The following AKAP6 variants were observed in gnomAD, a reference collection of about 807,000 sequenced individuals.
The protein encoded by AKAP6 is A-kinase anchoring protein 6.
AKAP6 carries 58 observed loss-of-function variants against 188.5 expected under a neutral mutation model. The observed-to-expected ratio is 0.31, with a 90% CI of 0.25 to 0.38. The LOEUF (loss-of-function observed/expected upper bound fraction) is 0.38, where lower values mean the gene tolerates loss of function less well. AKAP6 is among the 10% of genes least tolerant of loss of function. The pLI, the probability that AKAP6 is intolerant of heterozygous loss-of-function variation, is 1.00. For synonymous variants in AKAP6, 989 were observed against 998.6 expected, an observed-to-expected ratio of 0.99 and a Z score of 0.18; for missense variants, 2,710 against 2,740.0, an observed-to-expected ratio of 0.99 and a Z score of 0.24.
chr14:32,678,216 A>T, intron 7 of AKAP6, 95 bp from the exon 8 acceptor site: 1 of 1,312,514 alleles, frequency 7.6e-7, no homozygotes, highest in Non-Finnish European at 1.0e-6. Flanking sequence ...CACTATAATG[A>T]TGTGAAGAAT....
At chr14:32,595,981 T>C (rs1464192886) in intron 5 of AKAP6, among the ~76,000 whole-genome samples, 1 of 152,084 alleles carries the variant, frequency 6.6e-6, no homozygotes, top group African/African-American at 2.4e-5. Flanking sequence ...TTATGTCTTA[T>C]AAAAAAACAA....
At chr14:32,595,316 C>A (rs1885648940) in intron 5 of AKAP6, among the ~76,000 whole-genome samples, 2 of 152,036 alleles carry the variant, frequency 1.3e-5, no homozygotes, top group Admixed American at 1.3e-4. Context: ...CCTGCTTGCA[C>A]CCTGCCCCAG....
chr14:32,789,587 G>A (rs2033544933), intron 12 of AKAP6, among the ~76,000 whole-genome samples: 2 of 152,148 alleles, frequency 1.3e-5, no homozygotes, highest in South Asian at 2.1e-4. Flanking sequence ...AGGAAAAAAC[G>A]AGCCAACTAG....
chr14:32,746,445 A>T (rs2031914130), intron 11 of AKAP6, among the ~76,000 whole-genome samples: 1 of 152,046 alleles, frequency 6.6e-6, no homozygotes, highest in African/African-American at 2.4e-5. Context: ...CTGGCCTAGG[A>T]TCATGTCTAG....
chr14:32,483,007 A>ATGTGTGTGTGTGTGTG lies in AKAP6; in HGVS notation c.324+49191_324+49192insGTGTGTGTGTGTGTGT, dbSNP rs796833606. Among the ~76,000 whole-genome samples the ATGTGTGTGTGTGTGTG allele has an allele frequency of 6.1e-4, 90 of 147,698 alleles. 2 individuals carry two copies. In the East Asian group the frequency reaches 0.01, roughly 17 times the overall value. ...TGTGTGTGTATATATATATATATAT[A>ATGTGTGTGTGTGTGTG]TATATGTATCTTGCATTGGTAATTT... On this transcript the variant is annotated intron_variant, in intron 2 of 13. Coordinates refer to ENST00000280979, the MANE Select transcript of AKAP6 (RefSeq NM_004274.5).
intron 4 of AKAP6, among the ~76,000 whole-genome samples, chr14:32,560,105 T>C (rs1883884702): frequency 6.6e-6 from 1 of 152,130 alleles, no homozygotes; most frequent in Non-Finnish European, 1.5e-5. Context: ...CTCCAAGGCA[T>C]ACATAAACTT....
At chr14:32,521,222 C>T (rs574367532) in intron 2 of AKAP6, among the ~76,000 whole-genome samples, 1 of 152,220 alleles carries the variant, frequency 6.6e-6, no homozygotes, top group African/African-American at 2.4e-5. Flanking sequence ...AAACTCACAG[C>T]CAATATCATA....
intron 2 of AKAP6, among the ~76,000 whole-genome samples, chr14:32,510,432 ATATG>A (rs1175575691): frequency 0.085 from 6,211 of 73,024 alleles, 329 homozygotes; most frequent in African/African-American, 0.1. Flanking sequence ...ATACATATAT[ATATG>A]TGTATATATA....
Position 32,830,218 on chromosome 14 carries a change from G to A in AKAP6, c.*413G>A. On this transcript the variant is annotated 3_prime_UTR_variant, in exon 14 of 14. Coordinates refer to ENST00000280979, the MANE Select transcript of AKAP6 (RefSeq NM_004274.5). ...CCTGTCTAGAATGACCCCCCCACCA[G>A]TACTTGACCAATTTCATGTATCAAT... 5.1e-6 allele frequency: 2 copies of A among 394,684 alleles called. No homozygotes were observed. Among genetic ancestry groups the A allele is most frequent in the Admixed American group, 8.8e-5 (2 of 22,756 alleles). The allele number at this position is 394,684 out of a possible 1,614,324, so 24.4% of individuals were successfully genotyped here. A position where few individuals can be genotyped will look rare whatever the true frequency, so the allele number is the denominator to read the frequency against.
At chr14:32,536,056 T>G (rs1441928350) in intron 3 of AKAP6, among the ~76,000 whole-genome samples, 2 of 152,246 alleles carry the variant, frequency 1.3e-5, no homozygotes, top group African/African-American at 2.4e-5. Flanking sequence ...TGGCTTCCTT[T>G]TCCTCTTCAA....
Position 32,587,012 on chromosome 14 carries a change from C to T in AKAP6, c.2469+9770C>T, listed in dbSNP as rs574277249. 9.2e-5 allele frequency among the ~76,000 whole-genome samples: 14 copies of T among 152,244 alleles called. 1 individual carries two copies. Among genetic ancestry groups the T allele is most frequent in the African/African-American group, 3.1e-4 (13 of 41,538 alleles). ...TTATACTCAACAATGCATGAGAGTG[C>T]CTATTTCTGCATATTCTTGCTATCA... is the stretch of plus-strand genomic sequence containing the variant. On this transcript the variant is annotated intron_variant, in intron 5 of 13. Transcript: ENST00000280979.
chr14:32,643,417 C>T (rs555052924), intron 7 of AKAP6, among the ~76,000 whole-genome samples: 18 of 152,126 alleles, frequency 1.2e-4, no homozygotes, highest in Admixed American at 5.9e-4. Flanking sequence ...AAGTAATTCT[C>T]CCGCCTCAGC....
chr14:32,392,708 G>A (rs1320318034), intron 1 of AKAP6, among the ~76,000 whole-genome samples: 1 of 152,086 alleles, frequency 6.6e-6, no homozygotes, highest in African/African-American at 2.4e-5. Context: ...AAATGTTTGG[G>A]ATGTGTCAAG....
chr14:32,723,890 A>G (rs760200162), intron 9 of AKAP6, among the ~76,000 whole-genome samples: 21 of 152,186 alleles, frequency 1.4e-4, no homozygotes, highest in Non-Finnish European at 2.4e-4. Context: ...CAATTCCTTG[A>G]TATCATCTGC....
At chr14:32,334,338 G>A (rs1886623415) in intron 1 of AKAP6, among the ~76,000 whole-genome samples, 1 of 152,180 alleles carries the variant, frequency 6.6e-6, no homozygotes, top group African/African-American at 2.4e-5. Context: ...CCTGGGATGT[G>A]TATCATTCCT....
At chr14:32,775,247 G>A (rs2033020797) in intron 12 of AKAP6, among the ~76,000 whole-genome samples, 1 of 152,254 alleles carries the variant, frequency 6.6e-6, no homozygotes, top group East Asian at 1.9e-4. Flanking sequence ...TTTTAAGCCT[G>A]TAATCGTGGT....
chr14:32,760,435 C>T (rs1233737217), intron 11 of AKAP6, among the ~76,000 whole-genome samples: 1 of 152,134 alleles, frequency 6.6e-6, no homozygotes, highest in Non-Finnish European at 1.5e-5. Flanking sequence ...ACATGTTTTA[C>T]CTGAGATTGC....
chr14:32,537,847 T>A (rs1046598493), intron 3 of AKAP6, among the ~76,000 whole-genome samples: 4 of 152,234 alleles, frequency 2.6e-5, no homozygotes, highest in African/African-American at 9.6e-5. Flanking sequence ...CAATAAATGA[T>A]GAAGAGCCAT....
At chr14:32,632,382 C>A (rs187487754) in intron 7 of AKAP6, among the ~76,000 whole-genome samples, 29 of 152,064 alleles carry the variant, frequency 1.9e-4, no homozygotes, top group Non-Finnish European at 3.7e-4. Context: ...ACCATACATC[C>A]TAATATGTTG....
Sources: allele counts gnomAD v4.1 joint callset (sites outside exome capture counted in the v4.1 genomes callset), GRCh38; gene constraint gnomAD v4.1.1; transcripts MANE v1.5; gene names NCBI Gene and HGNC (gene_info 2026-07-23, HGNC 2026-07-21).